The following FGD6 variants were observed in gnomAD, a reference collection of about 807,000 sequenced individuals.
FGD6 encodes FYVE, RhoGEF and PH domain containing 6.
In FGD6, 90 loss-of-function variants were observed where a neutral mutation model predicts 149.4. That is an observed-to-expected ratio of 0.60 (90% CI 0.51 to 0.72). FGD6 has a LOEUF of 0.72. Among genes scored for constraint, FGD6 ranks in the 30% least tolerant of loss-of-function variants. The pLI is 0.00. For missense variants in FGD6, 1,437 were observed against 1,684.8 expected (o/e 0.85, Z 2.57); for synonymous variants, 527 against 584.0 (o/e 0.90, Z 1.41).
At chr12:95,122,347 TAGA>T (rs1202909145) in intron 8 of FGD6, among the ~76,000 whole-genome samples, 3 of 152,198 alleles carry the variant, frequency 2.0e-5, no homozygotes, top group Admixed American at 6.5e-5. Flanking sequence ...CCCCTGCACC[TAGA>T]AGAAGATCTG....
At chr12:95,202,586 G>T (rs1409336597) in intron 2 of FGD6, among the ~76,000 whole-genome samples, 1 of 151,780 alleles carries the variant, frequency 6.6e-6, no homozygotes, top group African/African-American at 2.4e-5. Flanking sequence ...TAGAGATAGG[G>T]TCTCACCATG....
chr12:95,161,660 C>T (rs923342660), intron 3 of FGD6, among the ~76,000 whole-genome samples: 4 of 152,098 alleles, frequency 2.6e-5, no homozygotes, highest in Admixed American at 2.6e-4. Flanking sequence ...TCTTCTGTCT[C>T]CTAATGTCAC....
rs1200061098 is a variant in FGD6 at position 95,089,593 on chromosome 12, T to C, written c.3954A>G (p.Lys1318=). 6.2e-7 allele frequency: 1 copy of C among 1,613,716 alleles called. No individual in the cohort carries two copies. The highest frequency in any genetic ancestry group is 8.5e-7 in the Non-Finnish European group (1 of 1,179,780). The part of the protein sequence containing the change: ...LHSIPSGRKQ[K]KIPAALKEVS... ...CTTCTTTGAGAGCAGCTGGGATTTTTTTCTGTTTCCTCCCTGATGGAATGC... is the reference window on the plus strand; with the variant it reads ...CTTCTTTGAGAGCAGCTGGGATTTTCTTCTGTTTCCTCCCTGATGGAATGC... The change falls in exon 18 of 21, where the codon AAA becomes AAG. Residue 1318 remains lysine (K), a synonymous_variant. Transcript: ENST00000343958.
Position 95,104,987 on chromosome 12 carries a change from AAGAAG to A in FGD6, c.3497+15_3497+19del. 1 of 1,451,086 alleles carries A rather than the reference AAGAAG, an allele frequency of 6.9e-7. No homozygotes were observed. Among genetic ancestry groups the A allele is most frequent in the Non-Finnish European group, 9.3e-7 (1 of 1,075,012 alleles). 89.9% of individuals were successfully genotyped at this position (1,451,086 alleles called of 1,614,324 possible). Reference sequence around the variant, plus strand: ...TCAGAATGAGAAAAAAAAAAAAAAAAAGAAGAAGAAAAAATTTACCTGGCTGAGAG... The same window carrying A: ...TCAGAATGAGAAAAAAAAAAAAAAAAAAGAAAAAATTTACCTGGCTGAGAG... On this transcript the variant is annotated intron_variant, in intron 14 of 20. Coordinates refer to ENST00000343958, the MANE Select transcript of FGD6 (RefSeq NM_018351.4).
At position 95,209,067 on chromosome 12, in the gene FGD6, A is replaced by G. The variant is rs772465438; in HGVS notation, c.2217T>C (p.Ser739=). ...RESSSQAPYK[S]VTSLCAPEYE... is the part of the protein sequence containing the mutation. ...ACTCCGGTGCACAGAGGCTTGTAAC[A>G]GACTTGTAAGGTGCCTGAGATGATG... Residue 739 remains serine (S), a synonymous_variant, in exon 2 of 21, where the codon TCT becomes TCC. Transcript: ENST00000343958. 2 of 1,614,150 alleles carry G rather than the reference A, an allele frequency of 1.2e-6. No individual in the cohort carries two copies. Among genetic ancestry groups the G allele is most frequent in the South Asian group, 1.1e-5 (1 of 91,080 alleles).
chr12:95,121,108 A>G (rs949165691), intron 8 of FGD6, among the ~76,000 whole-genome samples: 2 of 152,170 alleles, frequency 1.3e-5, no homozygotes, highest in African/African-American at 4.8e-5. Flanking sequence ...TGTGCCTCAA[A>G]AAATAAAATA....
At chr12:95,182,861 A>G (rs1881324208) in intron 2 of FGD6, among the ~76,000 whole-genome samples, 1 of 152,236 alleles carries the variant, frequency 6.6e-6, no homozygotes, top group South Asian at 2.1e-4. Context: ...GTAAGTTAGT[A>G]GAAAAAACAG....
At chr12:95,088,361 C>T (rs1877943117) in intron 18 of FGD6, among the ~76,000 whole-genome samples, 2 of 152,070 alleles carry the variant, frequency 1.3e-5, no homozygotes, top group Admixed American at 1.3e-4. Context: ...CCAAAACCCA[C>T]AGGTACCCCA....
At chr12:95,204,698 G>A (rs1442811076) in intron 2 of FGD6, among the ~76,000 whole-genome samples, 1 of 143,238 alleles carries the variant, frequency 7.0e-6, no homozygotes, top group Non-Finnish European at 1.5e-5. Context: ...AGGGACACAC[G>A]TGCATGCACG....
rs1877565606 is a variant in FGD6 at position 95,078,438 on chromosome 12, G to T, written c.*3082C>A. ...AAATAGGAGACTTTCCCCACATCTAGATATATTCTATGAACCAAATATAAA... is the reference window on the plus strand; with the variant it reads ...AAATAGGAGACTTTCCCCACATCTATATATATTCTATGAACCAAATATAAA... On this transcript the variant is annotated 3_prime_UTR_variant, in exon 21 of 21. Transcript: ENST00000343958. 6.6e-6 allele frequency: 1 copy of T among 152,152 alleles called. No individual in the cohort carries two copies. Among genetic ancestry groups the T allele is most frequent in the East Asian group, 1.9e-4 (1 of 5,200 alleles). The allele number at this position is 152,152 out of a possible 1,614,324, so 9.4% of individuals were successfully genotyped here. A position where few individuals can be genotyped will look rare whatever the true frequency, so the allele number is the denominator to read the frequency against.
At chr12:95,179,156 C>G in intron 2 of FGD6, among the ~76,000 whole-genome samples, 1 of 152,074 alleles carries the variant, frequency 6.6e-6, no homozygotes, top group South Asian at 2.1e-4. Flanking sequence ...TATCACCTTC[C>G]CCCAAGTAAT....
At chr12:95,186,225 CTTCTTTTTTTTTTTTTTTTTTTT>C (rs1437342626) in intron 2 of FGD6, among the ~76,000 whole-genome samples, 54 of 71,186 alleles carry the variant, frequency 7.6e-4, no homozygotes, top group African/African-American at 2.7e-3. Context: ...TTATATTCTT[CTTCTTTTTTTTTTTTTTTTTTTT>C]TTTTTTTTTT....
At chr12:95,211,393 A>T in intron 1 of FGD6, 126 bp from the exon 2 acceptor site, 1 of 1,114,238 alleles carries the variant, frequency 9.0e-7, no homozygotes, top group Non-Finnish European at 1.2e-6. Context: ...ATGTTACATT[A>T]TATAGTATCA....
chr12:95,209,786 G>C lies in FGD6; in HGVS notation c.1498C>G (p.Gln500Glu). 1.2e-6 allele frequency: 2 copies of C among 1,612,132 alleles called. No homozygotes were observed. The highest frequency in any genetic ancestry group is 1.3e-5 in the African/African-American group (1 of 74,776). ...CCTGTAGCAGGCAAGCTATGTCTTT[G>C]AGGTTTTTTGGGGACAATTCGTAGA... ...NSLRIVPKKP[Q>E]RHSLPATGVL... Residue 500 changes from glutamine to glutamate, a missense_variant, in exon 2 of 21, where the codon CAA becomes GAA. Coordinates refer to ENST00000343958, the MANE Select transcript of FGD6 (RefSeq NM_018351.4).
At chr12:95,138,155 G>T (rs112992451) in intron 6 of FGD6, among the ~76,000 whole-genome samples, 3 of 151,534 alleles carry the variant, frequency 2.0e-5, no homozygotes, top group Non-Finnish European at 2.9e-5. Flanking sequence ...AGTGAGCCGA[G>T]ATTGTGCCAC....
chr12:95,148,495 ATATAATATATAG>A (rs1880080460), intron 5 of FGD6, among the ~76,000 whole-genome samples: 1 of 119,860 alleles, frequency 8.3e-6, no homozygotes, highest in African/African-American at 3.0e-5. Flanking sequence ...TATATATATA[ATATAATATATAG>A]CATATATTAT....
At chr12:95,215,490 A>G (rs2056748763) in intron 1 of FGD6, among the ~76,000 whole-genome samples, 2 of 152,220 alleles carry the variant, frequency 1.3e-5, no homozygotes, top group Non-Finnish European at 2.9e-5. Flanking sequence ...GTTCTCTTCC[A>G]TATTCCCCAT....
chr12:95,101,681 C>CTTTTTTTT (rs757955014), intron 14 of FGD6, among the ~76,000 whole-genome samples: 3 of 107,806 alleles, frequency 2.8e-5, no homozygotes, highest in Non-Finnish European at 5.3e-5. Flanking sequence ...TTTGAACTTT[C>CTTTTTTTT]TTTTTTTTTT....
chr12:95,174,153 T>A (rs1252576017), intron 2 of FGD6, among the ~76,000 whole-genome samples: 3 of 151,968 alleles, frequency 2.0e-5, no homozygotes, highest in African/African-American at 7.3e-5. Flanking sequence ...CGGGGGTAAG[T>A]GGTGGATAGA....
Sources: gnomAD v4.1 joint callset for allele counts (sites outside exome capture counted in the v4.1 genomes callset) on GRCh38, gnomAD v4.1.1 for gene constraint, MANE v1.5 for transcripts, NCBI Gene and HGNC (gene_info 2026-07-23, HGNC 2026-07-21) for gene names.